Variants in IMPACT observed in about 807,000 individuals in gnomAD.
IMPACT encodes the protein protein IMPACT.
A neutral mutation model predicts 47.5 loss-of-function variants in IMPACT; 35 were observed. The ratio of observed to expected loss-of-function variants is 0.74; its 90% CI spans 0.56 to 0.98. IMPACT has a LOEUF of 0.98. Ranked by LOEUF, IMPACT falls within the 50% of genes least tolerant of loss-of-function variation. The pLI is 0.00. For synonymous variants in IMPACT, 118 were observed against 125.6 expected (o/e 0.94, Z 0.40); for missense variants, 373 against 394.8 (o/e 0.94, Z 0.47).
rs1446728215 is a variant in IMPACT, at chr18:24,453,292, T to C, written c.*2445T>C. On this transcript the variant is annotated 3_prime_UTR_variant, in exon 11 of 11. Transcript: ENST00000284202. ...GATGCTGTTTGGAGGACAGGAAAAT[T>C]TATCGGGAAAATTACATAATCCCTC... 6.6e-6 allele frequency: 1 copy of C among 152,164 alleles called. No individual in the cohort carries two copies. Among genetic ancestry groups the C allele is most frequent in the Non-Finnish European group, 1.5e-5 (1 of 68,042 alleles). 9.4% of individuals were successfully genotyped at this position (152,164 alleles called of 1,614,324 possible). A position where few individuals can be genotyped will look rare whatever the true frequency, so the allele number is the denominator to read the frequency against.
chr18:24,439,012 T>A (rs1909021758), intron 5 of IMPACT, among the ~76,000 whole-genome samples: 1 of 152,100 alleles, frequency 6.6e-6, no homozygotes, highest in Admixed American at 6.6e-5. Flanking sequence ...GCTGGCAGGC[T>A]GGGGACCCAG....
chr18:24,427,863 A>G (rs1599759837), intron 1 of IMPACT, 56 bp from the exon 2 acceptor site: 2 of 1,506,904 alleles, frequency 1.3e-6, no homozygotes, highest in Non-Finnish European at 1.8e-6. Context: ...AAGTAGTAAG[A>G]ATAGGATTTT....
At chr18:24,426,954 C>A (rs1908624637) in intron 1 of IMPACT, 162 bp downstream of exon 1, 7 of 492,028 alleles carry the variant, frequency 1.4e-5, no homozygotes, top group Non-Finnish European at 2.2e-5. Context: ...CGGCGCTTCC[C>A]GTCGGCCGAG....
chr18:24,437,926 A>ATT, intron 4 of IMPACT, 29 bp from the exon 5 acceptor site: 7 of 1,052,564 alleles, frequency 6.7e-6, no homozygotes, highest in Admixed American at 2.1e-5. Context: ...TGAAATAACA[A>ATT]TTTTTTTTTT....
intron 7 of IMPACT, among the ~76,000 whole-genome samples, chr18:24,443,616 C>T (rs1294084043): frequency 1.3e-5 from 2 of 152,160 alleles, no homozygotes; most frequent in African/African-American, 2.4e-5. Context: ...TTTGTCCTGT[C>T]GAATGGGAGT....
chr18:24,436,241 A>T (rs181619952), intron 4 of IMPACT, among the ~76,000 whole-genome samples: 4 of 152,100 alleles, frequency 2.6e-5, no homozygotes, highest in African/African-American at 9.6e-5. Flanking sequence ...GTTCTTTAAA[A>T]ATTTTATTTT....
chr18:24,437,980 T>C lies in IMPACT; in HGVS notation c.307T>C (p.Tyr103His), dbSNP rs1237618472. 1 of 1,576,264 alleles carries C rather than the reference T, an allele frequency of 6.3e-7. No homozygotes were observed. Among genetic ancestry groups the C allele is most frequent in the African/African-American group, 1.4e-5 (1 of 73,774 alleles). Reference sequence around the variant, plus strand: ...TCAGAATATCGGTGAAAGTATTCTTTACCTGTGGGTGGAGAAAATAAGAGA... The same window carrying C: ...TCAGAATATCGGTGAAAGTATTCTTCACCTGTGGGTGGAGAAAATAAGAGA... Reference protein sequence around the residue: ...YIQNIGESILYLWVEKIRDVL... With the variant: ...YIQNIGESILHLWVEKIRDVL... The change falls in exon 5 of 11, where the codon TAC becomes CAC. Residue 103 changes from tyrosine to histidine, a missense_variant. Coordinates refer to ENST00000284202, the MANE Select transcript of IMPACT (RefSeq NM_018439.4).
At chr18:24,449,788 T>C in intron 9 of IMPACT, 31 bp from the exon 10 acceptor site, 2 of 1,577,094 alleles carry the variant, frequency 1.3e-6, no homozygotes, top group Non-Finnish European at 8.7e-7. Flanking sequence ...TGTCTGTCTA[T>C]GTATCTAATT....
rs769251487 is a variant in IMPACT, at chr18:24,427,905, T to A, written c.37-14T>A. The A allele has an allele frequency of 3.1e-6, 5 of 1,593,646 alleles. No homozygotes were observed. Among genetic ancestry groups the A allele is most frequent in the Non-Finnish European group, 4.3e-6 (5 of 1,174,116 alleles). On this transcript the variant is annotated splice_polypyrimidine_tract_variant and intron_variant, in intron 1 of 10. Coordinates refer to ENST00000284202, the MANE Select transcript of IMPACT (RefSeq NM_018439.4). ...TGTACATTTGTTGACTTTTAAAAAATCAATTTCTTTCAGAATGAGGAAATT... is the reference window on the plus strand; with the variant it reads ...TGTACATTTGTTGACTTTTAAAAAAACAATTTCTTTCAGAATGAGGAAATT...
At chr18:24,427,074 C>T (rs73943449) in intron 1 of IMPACT, 11,023 of 368,658 alleles carry the variant, frequency 0.03, 1,057 homozygotes, top group African/African-American at 0.21. Flanking sequence ...AGGCAAAAAC[C>T]GGGGTTTCGA....
chr18:24,433,335 G>A (rs1350962933), intron 4 of IMPACT, among the ~76,000 whole-genome samples: 1 of 149,858 alleles, frequency 6.7e-6, no homozygotes, highest in Admixed American at 6.7e-5. Flanking sequence ...GAGTAGCTGG[G>A]ACTACAGGCG....
rs564611177 is a variant in IMPACT, at chr18:24,443,193, A to G, written c.594+41A>G. ...CTAGCTCACTTTGATGATTACTAAA[A>G]TAATTCAGGTAAATGATTTTGCAAT... is the stretch of plus-strand genomic sequence containing the variant. On this transcript the variant is annotated intron_variant, in intron 7 of 10. Coordinates refer to ENST00000284202, the MANE Select transcript of IMPACT (RefSeq NM_018439.4). The G allele has an allele frequency of 6.6e-6, 6 of 910,006 alleles. No individual in the cohort carries two copies. The South Asian group carries it at 9.2e-5, about 14-fold the overall frequency. The allele number at this position is 910,006 out of a possible 1,614,324, so 56.4% of individuals were successfully genotyped here.
chr18:24,444,967 A>G (rs927062243), intron 7 of IMPACT, among the ~76,000 whole-genome samples: 3 of 152,152 alleles, frequency 2.0e-5, no homozygotes, highest in African/African-American at 4.8e-5. Flanking sequence ...GACCTCCTCT[A>G]TGAACCTTAC....
chr18:24,427,042 C>G, intron 1 of IMPACT: 1 of 385,922 alleles, frequency 2.6e-6, no homozygotes, highest in Non-Finnish European at 4.6e-6. Flanking sequence ...CATTAACACG[C>G]GACTAAGCAG....
chr18:24,445,481 CAA>C lies in IMPACT; in HGVS notation c.668+16_668+17del. On this transcript the variant is annotated intron_variant, in intron 8 of 10. Coordinates refer to ENST00000284202, the MANE Select transcript of IMPACT (RefSeq NM_018439.4). ...TATGCCTACAGGTGAGTAATCATCA[CAA>C]GCTTTAGTATACTCAGTTTGTTAAA... 6.6e-7 allele frequency: 1 copy of C among 1,506,444 alleles called. No individual in the cohort carries two copies. The allele number at this position is 1,506,444 out of a possible 1,614,324, so 93.3% of individuals were successfully genotyped here.
intron 5 of IMPACT, 63 bp from the exon 6 acceptor site, chr18:24,440,433 T>A (rs1218268082): frequency 1.9e-6 from 3 of 1,567,442 alleles, no homozygotes; most frequent in Non-Finnish European, 2.6e-6. Flanking sequence ...CCCAGTGATT[T>A]TTTTTTAAAA....
chr18:24,449,635 C>T (rs1225204097), intron 9 of IMPACT, among the ~76,000 whole-genome samples, 184 bp from the exon 10 acceptor site: 1 of 152,118 alleles, frequency 6.6e-6, no homozygotes, highest in Non-Finnish European at 1.5e-5. Flanking sequence ...TCTGTTCTTC[C>T]ATTTCACTCC....
At chr18:24,438,655 C>T (rs919762531) in intron 5 of IMPACT, among the ~76,000 whole-genome samples, 15 of 152,106 alleles carry the variant, frequency 9.9e-5, no homozygotes, top group South Asian at 2.1e-4. Context: ...TTTCTACAGA[C>T]GAGGTCTCCC....
intron 6 of IMPACT, among the ~76,000 whole-genome samples, chr18:24,441,811 C>T (rs1480895132): frequency 6.6e-6 from 1 of 152,086 alleles, no homozygotes; most frequent in Non-Finnish European, 1.5e-5. Flanking sequence ...GCCTAAGTAG[C>T]TCCCATTTTA....
Sources: allele counts gnomAD v4.1 joint callset (sites outside exome capture counted in the v4.1 genomes callset), GRCh38; gene constraint gnomAD v4.1.1; transcripts MANE v1.5; gene names NCBI Gene and HGNC (gene_info 2026-07-23, HGNC 2026-07-21).